Variants in ASIC2 observed in about 807,000 individuals in gnomAD.
ASIC2 encodes the protein acid-sensing ion channel 2.
ASIC2 carries 25 observed loss-of-function variants against 57.3 expected under a neutral mutation model. That is an observed-to-expected ratio of 0.44 (90% CI 0.32 to 0.61). The LOEUF (loss-of-function observed/expected upper bound fraction) is 0.61, where lower values mean the gene tolerates loss of function less well. ASIC2 is among the 20% of genes least tolerant of loss of function. ASIC2 has a pLI of 0.06. For missense variants in ASIC2, 641 were observed against 738.1 expected (o/e 0.87, Z 1.52); for synonymous variants, 319 against 307.5 (o/e 1.04, Z -0.39).
Position 33,240,535 on chromosome 17 carries a change from G to C in ASIC2, c.708+50873C>G, listed in dbSNP as rs893280581. On this transcript the variant is annotated intron_variant, in intron 1 of 9. Transcript: ENST00000225823. Reference sequence around the variant, plus strand: ...AGCAAATATTGGCCTCATCTCCAGGGACCCTGCCAGGCACTGTGCAGCTCA... The same window carrying C: ...AGCAAATATTGGCCTCATCTCCAGGCACCCTGCCAGGCACTGTGCAGCTCA... Among the ~76,000 whole-genome samples, 11 of 152,196 alleles carry C rather than the reference G, an allele frequency of 7.2e-5. No individual in the cohort carries two copies. The East Asian group carries it at 7.7e-4, about 11-fold the overall frequency.
intron 1 of ASIC2, among the ~76,000 whole-genome samples, chr17:34,080,697 C>T (rs867895565): frequency 3.9e-5 from 6 of 152,130 alleles, no homozygotes; most frequent in Admixed American, 2.6e-4. Flanking sequence ...TCAGAGAACC[C>T]GGGCACCTTA....
intron 1 of ASIC2, among the ~76,000 whole-genome samples, chr17:34,009,993 G>A (rs1400181797): frequency 6.6e-6 from 1 of 152,194 alleles, no homozygotes; most frequent in East Asian, 1.9e-4. Flanking sequence ...GAGACATCCA[G>A]GCGGAAATGA....
At position 33,875,961 on chromosome 17, in the gene ASIC2, T is replaced by A. The variant is rs572186970; in HGVS notation, c.555+280017A>T. ...GAAAAATGTTTCAATTAGAAAAAGA[T>A]TCTCAATTGTGCTACTTTAAAAGAA... On this transcript the variant is annotated intron_variant, in intron 1 of 9. Coordinates refer to the ASIC2 transcript ENST00000359872. Among the ~76,000 whole-genome samples, 4 of 152,268 alleles carry A rather than the reference T, an allele frequency of 2.6e-5. No homozygotes were observed. The South Asian group carries it at 8.3e-4, about 32-fold the overall frequency.
chr17:33,924,095 G>A (rs1260131249), intron 1 of ASIC2, among the ~76,000 whole-genome samples: 2 of 152,210 alleles, frequency 1.3e-5, no homozygotes, highest in East Asian at 3.8e-4. Flanking sequence ...TAAGTTTCAG[G>A]TTTATGGGGC....
chr17:33,960,028 T>C (rs1368765596), intron 1 of ASIC2, among the ~76,000 whole-genome samples: 1 of 152,196 alleles, frequency 6.6e-6, no homozygotes, highest in East Asian at 1.9e-4. Context: ...CAGTGATGAG[T>C]GTGTGATCCA....
intron 1 of ASIC2, among the ~76,000 whole-genome samples, chr17:33,498,084 A>T (rs1269503628): frequency 6.6e-6 from 1 of 152,216 alleles, no homozygotes; most frequent in Non-Finnish European, 1.5e-5. Context: ...TTTTGTCCAC[A>T]AAGCACTTCT....
At chr17:33,624,991 A>G (rs1905926938) in intron 1 of ASIC2, among the ~76,000 whole-genome samples, 2 of 152,242 alleles carry the variant, frequency 1.3e-5, no homozygotes, top group African/African-American at 2.4e-5. Flanking sequence ...CTCAGTGAGC[A>G]CTGCCTCTGG....
At chr17:34,018,231 T>C (rs1337482792) in intron 1 of ASIC2, among the ~76,000 whole-genome samples, 1 of 152,196 alleles carries the variant, frequency 6.6e-6, no homozygotes, top group Non-Finnish European at 1.5e-5. Context: ...GCTCTATAAG[T>C]GGAACAACAA....
chr17:33,226,808 A>G lies in ASIC2; in HGVS notation c.708+64600T>C, dbSNP rs181496535. ...GGTAGATCTGAGACAGTGCTGTCCAATAGAAATATAAAAAGAGTCTCATGT... is the reference window on the plus strand; with the variant it reads ...GGTAGATCTGAGACAGTGCTGTCCAGTAGAAATATAAAAAGAGTCTCATGT... On this transcript the variant is annotated intron_variant, in intron 1 of 9. Coordinates refer to ENST00000225823, the MANE Select transcript of ASIC2 (RefSeq NM_183377.2). Among the ~76,000 whole-genome samples, 126 of 152,348 alleles carry G rather than the reference A, an allele frequency of 8.3e-4. 1 individual carries two copies. Among genetic ancestry groups the G allele is most frequent in the African/African-American group, 3.0e-3 (123 of 41,580 alleles).
intron 1 of ASIC2, among the ~76,000 whole-genome samples, chr17:33,746,086 T>C (rs1910250167): frequency 6.6e-6 from 1 of 151,868 alleles, no homozygotes; most frequent in African/African-American, 2.4e-5. Context: ...TAACAGATGG[T>C]AATTTGAATT....
intron 1 of ASIC2, among the ~76,000 whole-genome samples, chr17:33,876,572 A>G (rs2141935815): frequency 6.6e-6 from 1 of 152,356 alleles, no homozygotes; most frequent in East Asian, 1.9e-4. Flanking sequence ...CTCTGTGAGG[A>G]GTATAATTAC....
chr17:33,181,211 G>A (rs1044083285), intron 1 of ASIC2, among the ~76,000 whole-genome samples: 1 of 152,120 alleles, frequency 6.6e-6, no homozygotes, highest in African/African-American at 2.4e-5. Flanking sequence ...AGCTCTTGGA[G>A]GAGTCCTTTA....
chr17:33,885,005 C>T (rs1366927779), intron 1 of ASIC2, among the ~76,000 whole-genome samples: 1 of 152,136 alleles, frequency 6.6e-6, no homozygotes, highest in African/African-American at 2.4e-5. Context: ...TTGCAGTCCC[C>T]AAATGAGCAG....
At chr17:33,835,331 G>A (rs865923299) in intron 1 of ASIC2, among the ~76,000 whole-genome samples, 3 of 152,286 alleles carry the variant, frequency 2.0e-5, no homozygotes, top group Middle Eastern at 3.4e-3. Context: ...CACATGAATT[G>A]CTCATTCCAG....
At chr17:34,056,950 T>C (rs1273580092) in intron 1 of ASIC2, among the ~76,000 whole-genome samples, 1 of 152,222 alleles carries the variant, frequency 6.6e-6, no homozygotes, top group Non-Finnish European at 1.5e-5. Context: ...TTAAATACCC[T>C]GGGGGAAATG....
At chr17:33,327,970 A>G (rs975899344) in intron 1 of ASIC2, among the ~76,000 whole-genome samples, 11 of 152,336 alleles carry the variant, frequency 7.2e-5, no homozygotes, top group Middle Eastern at 3.4e-3. Context: ...CTCCAAGCCA[A>G]AGAAGACTGA....
intron 1 of ASIC2, among the ~76,000 whole-genome samples, chr17:34,079,411 T>C (rs1211500249): frequency 6.6e-6 from 1 of 152,214 alleles, no homozygotes; most frequent in Non-Finnish European, 1.5e-5. Context: ...AGACTCCTCC[T>C]CACCTTTTAA....
intron 3 of ASIC2, among the ~76,000 whole-genome samples, chr17:33,033,771 C>T (rs780943467): frequency 9.2e-5 from 14 of 152,180 alleles, no homozygotes; most frequent in Admixed American, 2.0e-4. Context: ...CAGTCTTGCT[C>T]ACTGGAGTTG....
At chr17:33,035,383 G>C (rs953491701) in intron 3 of ASIC2, among the ~76,000 whole-genome samples, 7 of 152,156 alleles carry the variant, frequency 4.6e-5, no homozygotes, top group African/African-American at 1.4e-4. Context: ...TACTAGGAGA[G>C]AGTCATTTTT....
Sources: allele counts gnomAD v4.1 joint callset (sites outside exome capture counted in the v4.1 genomes callset), GRCh38; gene constraint gnomAD v4.1.1; transcripts MANE v1.5; gene names NCBI Gene and HGNC (gene_info 2026-07-23, HGNC 2026-07-21).